The following B3GALNT2 variants were observed in gnomAD, a reference collection of about 807,000 sequenced individuals.
B3GALNT2 encodes the protein UDP-GalNAc:beta-1,3-N-acetylgalactosaminyltransferase 2.
In B3GALNT2, 53 loss-of-function variants were observed where a neutral mutation model predicts 61.1. The observed-to-expected ratio is 0.87, with a 90% CI of 0.70 to 1.09. B3GALNT2 has a LOEUF of 1.09. Ranked by LOEUF, B3GALNT2 falls within the 50% of genes least tolerant of loss-of-function variation. The pLI, the probability that B3GALNT2 is intolerant of heterozygous loss-of-function variation, is 0.00. For synonymous variants in B3GALNT2, 223 were observed against 237.4 expected (o/e 0.94, Z 0.56); for missense variants, 544 against 623.0 (o/e 0.87, Z 1.35).
intron 4 of B3GALNT2, 50 bp from the exon 5 acceptor site, chr1:235,480,199 G>A (rs1684494729): frequency 6.2e-7 from 1 of 1,601,888 alleles, no homozygotes; most frequent in Admixed American, 1.7e-5. Flanking sequence ...GTTATACATT[G>A]CATATGCAAA....
intron 1 of B3GALNT2, among the ~76,000 whole-genome samples, chr1:235,497,873 T>C (rs1340374629): frequency 6.6e-6 from 1 of 152,160 alleles, no homozygotes; most frequent in Non-Finnish European, 1.5e-5. Context: ...CATGTGAAAA[T>C]CCCATGGATT....
At chr1:235,441,397 TC>T in the B3GALNT2 span, 1 of 263,430 alleles carries the variant, frequency 3.8e-6, no homozygotes, top group East Asian at 1.0e-4. Flanking sequence ...GCACCAGGTT[TC>T]TGTCAGCGCA....
intron 7 of B3GALNT2, among the ~76,000 whole-genome samples, chr1:235,463,158 A>G (rs187228604): frequency 1.1e-4 from 16 of 152,196 alleles, no homozygotes; most frequent in Admixed American, 5.9e-4. Context: ...GTTCTCACTC[A>G]TAAGTGGGAG....
chr1:235,455,465 A>C, intron 9 of B3GALNT2, 94 bp downstream of exon 9: 2 of 1,369,334 alleles, frequency 1.5e-6, no homozygotes, highest in African/African-American at 1.5e-5. Flanking sequence ...TGTATATCTC[A>C]ACCACATTTT....
chr1:235,463,427 C>A (rs1683523239), intron 7 of B3GALNT2: 1 of 150,986 alleles, frequency 6.6e-6, no homozygotes, highest in African/African-American at 2.4e-5. Flanking sequence ...TCCCTTAAAA[C>A]ATTCCAGCTA....
intron 7 of B3GALNT2, among the ~76,000 whole-genome samples, chr1:235,462,779 A>G (rs922019505): frequency 2.6e-5 from 4 of 152,238 alleles, no homozygotes; most frequent in African/African-American, 9.6e-5. Context: ...ATCCACAGAT[A>G]GAATGCAATC....
intron 3 of B3GALNT2, among the ~76,000 whole-genome samples, chr1:235,484,893 T>C (rs1684730257): frequency 6.6e-6 from 1 of 152,244 alleles, no homozygotes; most frequent in Non-Finnish European, 1.5e-5. Context: ...TAGTCATAAA[T>C]AATCAGTAAA....
chr1:235,444,907 C>T (rs193061779), downstream of B3GALNT2, among the ~76,000 whole-genome samples: 30 of 152,336 alleles, frequency 2.0e-4, no homozygotes, highest in Non-Finnish European at 2.9e-4. Context: ...CAAGGCCTGC[C>T]GTCTGGGCAT....
At chr1:235,495,034 C>T (rs924492447) in intron 1 of B3GALNT2, among the ~76,000 whole-genome samples, 2 of 152,090 alleles carry the variant, frequency 1.3e-5, no homozygotes, top group Admixed American at 6.5e-5. Context: ...TTGTCTTTCA[C>T]GTATATATGT....
intron 1 of B3GALNT2, among the ~76,000 whole-genome samples, chr1:235,500,685 C>T (rs1004184410): frequency 3.9e-5 from 6 of 152,166 alleles, no homozygotes; most frequent in Non-Finnish European, 5.9e-5. Context: ...ATACACACTA[C>T]CAAAGACACC....
chr1:235,486,824 G>A (rs1356049762), intron 3 of B3GALNT2, among the ~76,000 whole-genome samples: 1 of 152,190 alleles, frequency 6.6e-6, no homozygotes, highest in African/African-American at 2.4e-5. Context: ...GGATACATCA[G>A]TGGATACCAC....
intron 11 of B3GALNT2, chr1:235,450,559 G>A: frequency 2.0e-6 from 1 of 510,108 alleles, no homozygotes; most frequent in Non-Finnish European, 3.5e-6. Context: ...ACAGAAACAA[G>A]GCGGTGTGTG....
At chr1:235,443,791 C>T (rs548444871), downstream of B3GALNT2, among the ~76,000 whole-genome samples, 1 of 152,150 alleles carries the variant, frequency 6.6e-6, no homozygotes, top group African/African-American at 2.4e-5. Context: ...GAGAAAGCTA[C>T]CTTAGAACTT....
intron 4 of B3GALNT2, among the ~76,000 whole-genome samples, chr1:235,480,837 T>C (rs1004080032): frequency 2.0e-4 from 25 of 125,652 alleles, no homozygotes; most frequent in Admixed American, 5.3e-4. Flanking sequence ...ACCCAGGAGG[T>C]GGAGGCTGCA....
At chr1:235,455,889 G>C (rs1205073723) in intron 8 of B3GALNT2, among the ~76,000 whole-genome samples, 1 of 152,152 alleles carries the variant, frequency 6.6e-6, no homozygotes, top group Non-Finnish European at 1.5e-5. Flanking sequence ...GCATAACACA[G>C]AGAAGTACTA....
intron 7 of B3GALNT2, 95 bp from the exon 8 acceptor site, chr1:235,458,881 C>T (rs1379503959): frequency 8.7e-7 from 1 of 1,149,180 alleles, no homozygotes; most frequent in East Asian, 2.8e-5. Context: ...CCCAAGGTAA[C>T]CCAGCAGAAA....
rs74700208 is a variant in B3GALNT2, at chr1:235,474,344, T to C, written c.652-3384A>G. Among the ~76,000 whole-genome samples, 182 of 152,318 alleles carry C rather than the reference T, an allele frequency of 1.2e-3. 2 individuals carry two copies. Among genetic ancestry groups the C allele is most frequent in the African/African-American group, 4.1e-3 (169 of 41,566 alleles). On this transcript the variant is annotated intron_variant, in intron 5 of 11. Coordinates refer to ENST00000366600, the MANE Select transcript of B3GALNT2 (RefSeq NM_152490.5). ...TGAGATATCATATCTATCTCTCCCA[T>C]AACATAAGCAAGCTGTCTGTAACTC...
chr1:235,478,177 C>G (rs1041550436), intron 5 of B3GALNT2, among the ~76,000 whole-genome samples: 2 of 152,078 alleles, frequency 1.3e-5, no homozygotes, highest in African/African-American at 4.8e-5. Context: ...CTCAGCCTCC[C>G]GAGTAACTGG....
rs1304126498 is a variant in B3GALNT2 at position 235,477,168 on chromosome 1, T to C, written c.651+2886A>G. ...CATCCTGAACACAAGCAAGGAAGGT[T>C]AACCCCTCTCCCCCAACCCAATTTT... On this transcript the variant is annotated intron_variant, in intron 5 of 11. Coordinates refer to ENST00000366600, the MANE Select transcript of B3GALNT2 (RefSeq NM_152490.5). Among the ~76,000 whole-genome samples, 3 of 152,288 alleles carry C rather than the reference T, an allele frequency of 2.0e-5. No homozygotes were observed. The East Asian group carries it at 5.8e-4, about 29-fold the overall frequency.
Sources: gnomAD v4.1 joint callset for allele counts (sites outside exome capture counted in the v4.1 genomes callset) on GRCh38, gnomAD v4.1.1 for gene constraint, MANE v1.5 for transcripts, NCBI Gene and HGNC (gene_info 2026-07-23, HGNC 2026-07-21) for gene names.